Variants in CCR10 observed in about 807,000 individuals in gnomAD.
CCR10 encodes the protein C-C chemokine receptor type 10.
Under a neutral mutation model 11.9 loss-of-function variants are expected in CCR10, and 11 were observed. That is an observed-to-expected ratio of 0.92 (90% CI 0.58 to 1.53). The LOEUF (loss-of-function observed/expected upper bound fraction) is 1.53, where lower values mean the gene tolerates loss of function less well. Ranked by LOEUF, CCR10 falls within the 40% of genes most tolerant of loss-of-function variation. The pLI is 0.00. For missense variants in CCR10, 428 were observed against 496.6 expected (o/e 0.86, Z 1.31); for synonymous variants, 224 against 245.4 (o/e 0.91, Z 0.81).
chr17:42,681,771 C>T (rs2052934942), intron 1 of CCR10, 29 bp downstream of exon 1: 1 of 1,536,672 alleles, frequency 6.5e-7, no homozygotes, highest in Admixed American at 1.7e-5. Context: ...CTCTGTAACC[C>T]TTCTCCCCCT....
rs767364082 is a variant in CCR10 at position 42,679,720 on chromosome 17, C to T, written c.922G>A (p.Val308Ile). The change falls in exon 2 of 2, where the codon GTT becomes ATT. Residue 308 changes from valine (V) to isoleucine (I), a missense_variant. Physicochemically the swap from Val to Ile is conservative, Grantham distance 29. Transcript: ENST00000332438. Reference sequence around the variant, plus strand: ...CGCAGGCCCAGGAAGGCGTAGAGAACGGGATTGAGGCCACAGCGGGCGAGG... The same window carrying T: ...CGCAGGCCCAGGAAGGCGTAGAGAATGGGATTGAGGCCACAGCGGGCGAGG... ...LALARCGLNP[V>I]LYAFLGLRFR... 1.3e-6 allele frequency: 2 copies of T among 1,570,294 alleles called. No individual in the cohort carries two copies. Among genetic ancestry groups the T allele is most frequent in the East Asian group, 2.3e-5 (1 of 42,588 alleles).
chr17:42,680,170 C>T lies in CCR10; in HGVS notation c.472G>A (p.Ala158Thr). 1 of 1,611,760 alleles carries T rather than the reference C, an allele frequency of 6.2e-7. No individual in the cohort carries two copies. The highest frequency in any genetic ancestry group is 8.5e-7 in the Non-Finnish European group (1 of 1,179,498). The change falls in exon 2 of 2, where the codon GCA (alanine) becomes ACA (threonine). Residue 158 changes from alanine (A) to threonine (T), a missense_variant. Physicochemically the swap from Ala to Thr is moderately conservative, Grantham distance 58. Coordinates refer to ENST00000332438, the MANE Select transcript of CCR10 (RefSeq NM_016602.3). The stretch of plus-strand genomic sequence containing the variant: ...CACACGATGACGGAGACCAAGTGTG[C>T]GCGGCCGGGAGTGGAGGGCCGCGGC... ...AGPRPSTPGR[A>T]HLVSVIVWLL...
Position 42,679,907 on chromosome 17 carries a change from C to T in CCR10, c.735G>A (p.Ala245=). ...LAARGPERRR[A]LRVVVALVAA... is the part of the protein sequence containing the mutation. ...CCACCAGAGCCACCACGACGCGCAG[C>T]GCACGCCGGCGCTCGGGCCCCCTGG... Residue 245 remains alanine, a synonymous_variant, in exon 2 of 2, where the codon GCG becomes GCA. Coordinates refer to ENST00000332438, the MANE Select transcript of CCR10 (RefSeq NM_016602.3). The T allele has an allele frequency of 2.6e-6, 4 of 1,559,250 alleles. No homozygotes were observed. Among genetic ancestry groups the T allele is most frequent in the African/African-American group, 1.4e-5 (1 of 73,262 alleles).
chr17:42,680,679 C>T, intron 1 of CCR10, 62 bp from the exon 2 acceptor site: 1 of 1,164,286 alleles, frequency 8.6e-7, no homozygotes, highest in South Asian at 1.5e-5. Flanking sequence ...AACTCCCCCG[C>T]CCACACTTGC....
rs763116531 is a variant in CCR10 at position 42,679,904 on chromosome 17, C to T, written c.738G>A (p.Leu246=). 23 of 1,564,206 alleles carry T rather than the reference C, an allele frequency of 1.5e-5. No homozygotes were observed. The East Asian group carries it at 5.5e-4, about 37-fold the overall frequency. The change falls in exon 2 of 2, where the codon CTG becomes CTA. Residue 246 remains leucine, a synonymous_variant. Coordinates refer to ENST00000332438, the MANE Select transcript of CCR10 (RefSeq NM_016602.3). ...AARGPERRRA[L]RVVVALVAAF... ...CCGCCACCAGAGCCACCACGACGCG[C>T]AGCGCACGCCGGCGCTCGGGCCCCC...
chr17:42,680,077 GTTGGCC>G lies in CCR10; in HGVS notation c.559_564del (p.Gly187_Gln188del), dbSNP rs763957331. ...TCGGGGAAGATGAGGCGACAGCGTC[GTTGGCC>G]TTCCCGCTGCCCATCCTGGCTGAAG... On this transcript the variant is annotated inframe_deletion, in exon 2 of 2. Coordinates refer to ENST00000332438, the MANE Select transcript of CCR10 (RefSeq NM_016602.3). 3 of 1,607,780 alleles carry G rather than the reference GTTGGCC, an allele frequency of 1.9e-6. No individual in the cohort carries two copies. The highest frequency in any genetic ancestry group is 2.5e-6 in the Non-Finnish European group (3 of 1,178,846).
chr17:42,681,703 A>G, intron 1 of CCR10, 97 bp downstream of exon 1: 1 of 876,870 alleles, frequency 1.1e-6, no homozygotes, highest in Non-Finnish European at 1.9e-6. Context: ...AATAAGCCAT[A>G]GGATGGCAGA....
chr17:42,679,898 G>T lies in CCR10; in HGVS notation c.744C>A (p.Val248=). ...CGAAGGCCGCCACCAGAGCCACCAC[G>T]ACGCGCAGCGCACGCCGGCGCTCGG... ...RGPERRRALR[V]VVALVAAFVV... Residue 248 remains valine (V), a synonymous_variant, in exon 2 of 2, where the codon GTC becomes GTA. Coordinates refer to ENST00000332438, the MANE Select transcript of CCR10 (RefSeq NM_016602.3). The T allele has an allele frequency of 6.4e-7, 1 of 1,572,672 alleles. No homozygotes were observed. Among genetic ancestry groups the T allele is most frequent in the South Asian group, 1.1e-5 (1 of 87,456 alleles).
Position 42,679,983 on chromosome 17 carries a change from A to C in CCR10, c.659T>G (p.Leu220Arg), listed in dbSNP as rs1447625532. ...CGCGTAGCAGGCTACCATGACGCCC[A>C]GCGGCAGCGCGAAGCCCAGGGCCAC... The part of the protein sequence containing the change: ...AQVALGFALP[L>R]GVMVACYALL... Residue 220 changes from leucine to arginine, a missense_variant, in exon 2 of 2, where the codon CTG (leucine) becomes CGG (arginine). Transcript: ENST00000332438. The C allele has an allele frequency of 1.3e-6, 2 of 1,569,960 alleles. No individual in the cohort carries two copies. The highest frequency in any genetic ancestry group is 1.3e-5 in the African/African-American group (1 of 74,392).
In CCR10 at chr17:42,680,177, G is replaced by A. The variant is rs34866491; in HGVS notation, c.465C>T (p.Pro155=). The A allele has an allele frequency of 6.2e-6, 10 of 1,610,618 alleles. No individual in the cohort carries two copies. In the South Asian group the frequency reaches 1.1e-4, roughly 18 times the overall value. ...TGACGGAGACCAAGTGTGCGCGGCC[G>A]GGAGTGGAGGGCCGCGGCCCGGCTG... ...ALPAGPRPST[P]GRAHLVSVIV... is the part of the protein sequence containing the mutation. Residue 155 remains proline, a synonymous_variant, in exon 2 of 2, where the codon CCC becomes CCT. Transcript: ENST00000332438.
In CCR10 at chr17:42,680,220, G is replaced by T; in HGVS notation, c.422C>A (p.Ala141Asp). The change falls in exon 2 of 2, where the codon GCC (alanine) becomes GAC (aspartate). Residue 141 changes from alanine (A) to aspartate (D), a missense_variant. Transcript: ENST00000332438. The stretch of plus-strand genomic sequence containing the variant: ...CCCGGCTGGGAGCGCTCGCGCGATG[G>T]CCACGTAGCGGTCGGCGCTGATACA... ...LACISADRYV[A>D]IARALPAGPR... 2 of 1,598,044 alleles carry T rather than the reference G, an allele frequency of 1.3e-6. No individual in the cohort carries two copies. Among genetic ancestry groups the T allele is most frequent in the African/African-American group, 1.3e-5 (1 of 74,810 alleles).
rs2052918386 is a variant in CCR10, at chr17:42,680,556, T to C, written c.86A>G (p.Glu29Gly). The change falls in exon 2 of 2, where the codon GAG becomes GGG. Residue 29 changes from glutamate (E) to glycine (G), a missense_variant. Physicochemically the swap from Glu to Gly is moderately conservative, Grantham distance 98. Coordinates refer to ENST00000332438, the MANE Select transcript of CCR10 (RefSeq NM_016602.3). The part of the protein sequence containing the change: ...EDAYSAEPLP[E>G]LCYKADVQAF... ...CTGGACATCGGCCTTGTAGCAAAGC[T>C]CCGGCAGTGGCTCAGCCGAGTATGC... 2 of 1,607,466 alleles carry C rather than the reference T, an allele frequency of 1.2e-6. No individual in the cohort carries two copies.
chr17:42,679,940 C>A lies in CCR10; in HGVS notation c.702G>T (p.Leu234=), dbSNP rs774645592. 116 of 1,554,382 alleles carry A rather than the reference C, an allele frequency of 7.5e-5. No homozygotes were observed. The highest frequency in any genetic ancestry group is 9.6e-5 in the Non-Finnish European group (111 of 1,155,592). The change falls in exon 2 of 2, where the codon CTG becomes CTT. Residue 234 remains leucine, a synonymous_variant. Transcript: ENST00000332438. ...GGCGCTCGGGCCCCCTGGCGGCCAG[C>A]AGCGTGCGGCCCAGAAGCGCGTAGC... ...VACYALLGRT[L]LAARGPERRR... is the part of the protein sequence containing the mutation.
rs766828913 is a variant in CCR10 at position 42,680,262 on chromosome 17, C to T, written c.380G>A (p.Gly127Asp). 1.3e-6 allele frequency: 2 copies of T among 1,575,760 alleles called. No homozygotes were observed. Among genetic ancestry groups the T allele is most frequent in the South Asian group, 1.1e-5 (1 of 86,984 alleles). ...SGLYSASFHA[G>D]FLFLACISAD... is the part of the protein sequence containing the mutation. ...GCTGATACAGGCCAGGAAGAGGAAGCCGGCGTGGAAGGAGGCCGAGTAGAG... is the reference window on the plus strand; with the variant it reads ...GCTGATACAGGCCAGGAAGAGGAAGTCGGCGTGGAAGGAGGCCGAGTAGAG... Residue 127 changes from glycine to aspartate, a missense_variant, in exon 2 of 2, where the codon GGC becomes GAC. Coordinates refer to ENST00000332438, the MANE Select transcript of CCR10 (RefSeq NM_016602.3).
intron 1 of CCR10, 23 bp from the exon 2 acceptor site, chr17:42,680,640 G>A (rs887271197): frequency 2.7e-6 from 4 of 1,489,024 alleles, no homozygotes; most frequent in Non-Finnish European, 2.7e-6. Context: ...AATGAGAGGC[G>A]GGATCTTATG....
Position 42,680,405 on chromosome 17 carries a change from G to A in CCR10, c.237C>T (p.Ala79=), listed in dbSNP as rs2052915332. Residue 79 remains alanine (A), a synonymous_variant, in exon 2 of 2, where the codon GCC becomes GCT. Coordinates refer to ENST00000332438, the MANE Select transcript of CCR10 (RefSeq NM_016602.3). ...ARRAARSPTS[A]HLLQLALADL... is the part of the protein sequence containing the mutation. Reference sequence around the variant, plus strand: ...CGGCCAGGGCCAGCTGGAGCAGGTGGGCAGAGGTGGGCGAGCGCGCTGCGC... The same window carrying A: ...CGGCCAGGGCCAGCTGGAGCAGGTGAGCAGAGGTGGGCGAGCGCGCTGCGC... 1.0e-5 allele frequency: 16 copies of A among 1,563,108 alleles called. No homozygotes were observed. Among genetic ancestry groups the A allele is most frequent in the African/African-American group, 1.4e-5 (1 of 73,474 alleles).
chr17:42,680,114 C>G lies in CCR10; in HGVS notation c.528G>C (p.Ala176=). The change falls in exon 2 of 2, where the codon GCG becomes GCC. Residue 176 remains alanine (A), a synonymous_variant. Transcript: ENST00000332438. ...GCTGCCCATCCTGGCTGAAGAGCAG[C>G]GCAGGCAGCGCCAGGAGCAGTGACA... ...WLLSLLLALP[A]LLFSQDGQRE... is the part of the protein sequence containing the mutation. 1 of 1,611,832 alleles carries G rather than the reference C, an allele frequency of 6.2e-7. No individual in the cohort carries two copies. The highest frequency in any genetic ancestry group is 8.5e-7 in the Non-Finnish European group (1 of 1,179,690).
chr17:42,681,783 C>A lies in CCR10; in HGVS notation c.24+17G>T, dbSNP rs1478296854. 2 of 1,596,424 alleles carry A rather than the reference C, an allele frequency of 1.3e-6. No individual in the cohort carries two copies. Among genetic ancestry groups the A allele is most frequent in the African/African-American group, 1.3e-5 (1 of 74,608 alleles). On this transcript the variant is annotated intron_variant, in intron 1 of 1. Coordinates refer to ENST00000332438, the MANE Select transcript of CCR10 (RefSeq NM_016602.3). ...CCTCTCTGTAACCCTTCTCCCCCTC[C>A]CTGCCCCCACTCCCACCTGCTCTGT...
In CCR10 at chr17:42,679,290, A is replaced by C; in HGVS notation, c.*263T>G. ...CCCAGGCCCTCAGCGTCTTCCACTC[A>C]GAGAGCCAAGCGCGGGGCAGGGCGG... On this transcript the variant is annotated 3_prime_UTR_variant, in exon 2 of 2. Transcript: ENST00000332438. The C allele has an allele frequency of 2.8e-6, 1 of 353,328 alleles. No individual in the cohort carries two copies. Among genetic ancestry groups the C allele is most frequent in the Non-Finnish European group, 5.1e-6 (1 of 197,556 alleles). 21.9% of individuals were successfully genotyped at this position (353,328 alleles called of 1,614,324 possible).
Sources: allele counts gnomAD v4.1 joint callset, GRCh38; gene constraint gnomAD v4.1.1; transcripts MANE v1.5; gene names NCBI Gene and HGNC (gene_info 2026-07-23, HGNC 2026-07-21).